The following NMNAT2 variants were observed in gnomAD, a reference collection of about 807,000 sequenced individuals.
NMNAT2 encodes nicotinamide nucleotide adenylyltransferase 2.
NMNAT2 carries 11 observed loss-of-function variants against 41.6 expected under a neutral mutation model. That is an observed-to-expected ratio of 0.26 (90% CI 0.17 to 0.44). The LOEUF is 0.44. Among genes scored for constraint, NMNAT2 ranks in the 20% least tolerant of loss-of-function variants. NMNAT2 has a pLI of 1.00. For missense variants in NMNAT2, 288 were observed against 407.7 expected, an observed-to-expected ratio of 0.71 and a Z score of 2.53; for synonymous variants, 148 against 151.2, an observed-to-expected ratio of 0.98 and a Z score of 0.16.
At chr1:183,362,095 C>T (rs896021037) in intron 1 of NMNAT2, among the ~76,000 whole-genome samples, 10 of 152,164 alleles carry the variant, frequency 6.6e-5, no homozygotes, top group South Asian at 2.1e-4. Flanking sequence ...CCTGCCACCA[C>T]GCCTGGCTAA....
chr1:183,298,800 G>T (rs12076338), intron 1 of NMNAT2, among the ~76,000 whole-genome samples: 18,841 of 152,120 alleles, frequency 0.12, 1,239 homozygotes, highest in African/African-American at 0.15. Flanking sequence ...GACATACTAT[G>T]TTATGGATTG....
In NMNAT2 at chr1:183,261,297, C is replaced by A; in HGVS notation, c.658G>T (p.Val220Leu). 6.2e-7 allele frequency: 1 copy of A among 1,613,350 alleles called. No homozygotes were observed. The highest frequency in any genetic ancestry group is 8.5e-7 in the Non-Finnish European group (1 of 1,179,920). The change falls in exon 9 of 11, where the codon GTG (valine) becomes TTG (leucine). Residue 220 changes from valine (V) to leucine (L), a missense_variant. Val to Leu is a conservative substitution (Grantham distance 32). Coordinates refer to ENST00000287713, the MANE Select transcript of NMNAT2 (RefSeq NM_015039.4). ...PGLWNEADME[V>L]IVGDFGIVVV... ...ACAATCCCAAAGTCACCAACAATCACCTCCATCTAAAGAAACAGAGAGAGG... is the reference window on the plus strand; with the variant it reads ...ACAATCCCAAAGTCACCAACAATCAACTCCATCTAAAGAAACAGAGAGAGG...
chr1:183,284,716 A>G lies in NMNAT2; in HGVS notation c.523T>C (p.Phe175Leu). ...CVRPPVERFTFVDENANLGTV... is the reference protein window; with the variant it reads ...CVRPPVERFTLVDENANLGTV... ...AAGTTCCTTGGTTCCTCACCTACAA[A>G]GGTGAAACGCTCCACCGGCGGGCGG... The change falls in exon 6 of 11, where the codon TTT becomes CTT. Residue 175 changes from phenylalanine (F) to leucine (L), a missense_variant. Physicochemically the swap from Phe to Leu is conservative, Grantham distance 22 (BLOSUM62 0). Around this residue, in one of 3 missense-constraint regions of NMNAT2, gnomAD observed 181 missense variants for 213.7 expected, o/e 0.85. Coordinates refer to ENST00000287713, the MANE Select transcript of NMNAT2 (RefSeq NM_015039.4). 1 of 1,613,910 alleles carries G rather than the reference A, an allele frequency of 6.2e-7. No homozygotes were observed. The highest frequency in any genetic ancestry group is 8.5e-7 in the Non-Finnish European group (1 of 1,179,732).
chr1:183,365,057 AT>A (rs1298147316), intron 1 of NMNAT2, among the ~76,000 whole-genome samples: 1 of 152,160 alleles, frequency 6.6e-6, no homozygotes. Context: ...AAAGGAAGAA[AT>A]CAAACCAGTG....
intron 1 of NMNAT2, among the ~76,000 whole-genome samples, chr1:183,329,885 G>A (rs1662544744): frequency 2.0e-5 from 3 of 152,272 alleles, no homozygotes; most frequent in South Asian, 4.1e-4. Context: ...TAAATGCATT[G>A]CATAGGGTCA....
intron 8 of NMNAT2, among the ~76,000 whole-genome samples, chr1:183,261,797 C>T (rs1660664653): frequency 1.3e-5 from 2 of 152,136 alleles, no homozygotes; most frequent in South Asian, 4.1e-4. Context: ...TAGCTAAAAG[C>T]TAGAACTAGA....
intron 1 of NMNAT2, among the ~76,000 whole-genome samples, chr1:183,388,074 A>G (rs1648314699): frequency 6.6e-6 from 1 of 152,266 alleles, no homozygotes; most frequent in Non-Finnish European, 1.5e-5. Context: ...CTCACAAAGC[A>G]GGTACAATGA....
chr1:183,352,564 A>C (rs1412104498), intron 1 of NMNAT2, among the ~76,000 whole-genome samples: 6 of 26,600 alleles, frequency 2.3e-4, no homozygotes, highest in Admixed American at 4.8e-4. Context: ...GTCTGTCTCA[A>C]AAAAAAAAAA....
intron 1 of NMNAT2, among the ~76,000 whole-genome samples, chr1:183,417,917 A>T (rs1388097866): frequency 6.6e-6 from 1 of 151,558 alleles, no homozygotes; most frequent in Non-Finnish European, 1.5e-5. Flanking sequence ...CCCAGCCCCA[A>T]ATGATACTCA....
At chr1:183,335,026 G>A (rs544359450) in intron 1 of NMNAT2, among the ~76,000 whole-genome samples, 1 of 152,296 alleles carries the variant, frequency 6.6e-6, no homozygotes, top group East Asian at 1.9e-4. Context: ...ATTCAGCCAG[G>A]TCTCTCAGCT....
intron 1 of NMNAT2, among the ~76,000 whole-genome samples, chr1:183,380,671 C>T (rs1337464032): frequency 6.6e-6 from 1 of 152,076 alleles, no homozygotes; most frequent in Non-Finnish European, 1.5e-5. Context: ...AATATCTCTC[C>T]TTCAATTTAA....
chr1:183,389,360 A>G (rs1648371553), intron 1 of NMNAT2, among the ~76,000 whole-genome samples: 1 of 152,148 alleles, frequency 6.6e-6, no homozygotes, highest in South Asian at 2.1e-4. Flanking sequence ...ATTCTCTTTC[A>G]AAAATATTTT....
chr1:183,286,525 C>T (rs1340888861), intron 5 of NMNAT2, 137 bp downstream of exon 5: 24 of 663,254 alleles, frequency 3.6e-5, no homozygotes, highest in Non-Finnish European at 2.5e-6. Context: ...ATCAGCAGCA[C>T]CTTATTAAAA....
chr1:183,396,701 C>T (rs917751199), intron 1 of NMNAT2, among the ~76,000 whole-genome samples: 2 of 152,166 alleles, frequency 1.3e-5, no homozygotes, highest in Non-Finnish European at 2.9e-5. Flanking sequence ...AAAGGTCAAA[C>T]TGCACATTTG....
chr1:183,387,634 A>C (rs1224873612), intron 1 of NMNAT2, among the ~76,000 whole-genome samples: 1 of 152,116 alleles, frequency 6.6e-6, no homozygotes, highest in Non-Finnish European at 1.5e-5. Flanking sequence ...ACCAAACAAC[A>C]TTTCAGTGCT....
intron 7 of NMNAT2, among the ~76,000 whole-genome samples, chr1:183,281,621 C>T (rs1231999058): frequency 6.6e-6 from 1 of 152,214 alleles, no homozygotes; most frequent in African/African-American, 2.4e-5. Flanking sequence ...CAAGCGGCCC[C>T]AGCAGGGCTT....
intron 1 of NMNAT2, among the ~76,000 whole-genome samples, chr1:183,392,604 G>A (rs1397748798): frequency 6.6e-6 from 1 of 152,106 alleles, no homozygotes; most frequent in Non-Finnish European, 1.5e-5. Flanking sequence ...CACAACCTGG[G>A]CATCCACTAT....
chr1:183,367,292 C>T (rs1209767100), intron 1 of NMNAT2, among the ~76,000 whole-genome samples: 2 of 152,072 alleles, frequency 1.3e-5, no homozygotes, highest in Non-Finnish European at 2.9e-5. Flanking sequence ...AAACCCATCT[C>T]TACTAAAAAT....
At position 183,278,560 on chromosome 1, in the gene NMNAT2, T is replaced by A; in HGVS notation, c.644A>T (p.Glu215Val). Residue 215 changes from glutamate to valine, a missense_variant, in exon 8 of 11, where the codon GAG becomes GTG. Physicochemically the swap from Glu to Val is moderately radical, Grantham distance 121. Around this residue, in one of 3 missense-constraint regions of NMNAT2, gnomAD observed 181 missense variants for 213.7 expected, o/e 0.85. Transcript: ENST00000287713. ...ESFCIPGLWN[E>V]ADMEVIVGDF... ...AATAACCTTGCTACTCACATCTGCC[T>A]CGTTCCAGAGCCCTGGGATGCAGAA... 6.2e-7 allele frequency: 1 copy of A among 1,611,764 alleles called. No individual in the cohort carries two copies. Among genetic ancestry groups the A allele is most frequent in the East Asian group, 2.2e-5 (1 of 44,860 alleles).
Sources: gnomAD v4.1 joint callset for allele counts (sites outside exome capture counted in the v4.1 genomes callset) on GRCh38, gnomAD v4.1.1 for gene constraint, gnomAD v4.1.1 regional missense constraint, MANE v1.5 for transcripts, NCBI Gene and HGNC (gene_info 2026-07-23, HGNC 2026-07-21) for gene names.